The following TSPEAR variants were observed in gnomAD, a reference collection of about 807,000 sequenced individuals.
The protein encoded by TSPEAR is thrombospondin-type laminin G domain and EAR repeat-containing protein.
Under a neutral mutation model 71.6 loss-of-function variants are expected in TSPEAR, and 69 were observed. The ratio of observed to expected loss-of-function variants is 0.96; its 90% CI spans 0.79 to 1.18. The LOEUF (loss-of-function observed/expected upper bound fraction) is 1.18. TSPEAR is among the 50% of genes most tolerant of loss of function. TSPEAR has a pLI of 0.00. For synonymous variants in TSPEAR, 402 were observed against 387.2 expected (o/e 1.04, Z -0.45); for missense variants, 971 against 894.9 (o/e 1.09, Z -1.09).
chr21:44,534,795 C>G (rs2053059281), intron 2 of TSPEAR, among the ~76,000 whole-genome samples: 2 of 152,140 alleles, frequency 1.3e-5, no homozygotes, highest in African/African-American at 4.8e-5. Flanking sequence ...GGTCCATTCT[C>G]AAAAGAATCG....
rs148815756 is a variant in TSPEAR at position 44,628,641 on chromosome 21, C to T, written c.83-60636G>A. On this transcript the variant is annotated intron_variant, in intron 1 of 11. Transcript: ENST00000323084. ...CCACGTGACTCAGGCTAATGCCCCA[C>T]TCACTGTGGGTAGAAGCAGCTCCTT... Among the ~76,000 whole-genome samples the T allele has an allele frequency of 5.7e-3, 862 of 151,964 alleles. 11 individuals are homozygous for T. The highest frequency in any genetic ancestry group is 0.041 in the Middle Eastern group (12 of 294).
At chr21:44,599,190 C>T (rs1980605021) in intron 1 of TSPEAR, among the ~76,000 whole-genome samples, 1 of 140,694 alleles carries the variant, frequency 7.1e-6, no homozygotes, top group African/African-American at 2.7e-5. Context: ...CCCATAGGAC[C>T]AGATCCTGTA....
intron 1 of TSPEAR, among the ~76,000 whole-genome samples, chr21:44,685,021 C>A (rs1555948722): frequency 6.6e-6 from 1 of 152,150 alleles, no homozygotes; most frequent in African/African-American, 2.4e-5. Context: ...TAAGGTCACT[C>A]TCACATGGCC....
In TSPEAR at chr21:44,662,990, A is replaced by G. The variant is rs138251306; in HGVS notation, c.82+48443T>C. On this transcript the variant is annotated intron_variant, in intron 1 of 11. Transcript: ENST00000323084. ...GTGTTTAGAGGGATAAAATTATATC[A>G]TTAAGTGCTTATATTCACAAAGAAG... 3.7e-3 allele frequency among the ~76,000 whole-genome samples: 558 copies of G among 152,312 alleles called. 10 individuals carry two copies. The highest frequency in any genetic ancestry group is 0.013 in the African/African-American group (531 of 41,572).
At chr21:44,521,673 G>A (rs112559156) in intron 9 of TSPEAR, among the ~76,000 whole-genome samples, 12 of 152,260 alleles carry the variant, frequency 7.9e-5, no homozygotes, top group African/African-American at 2.9e-4. Flanking sequence ...GGCGCACAGA[G>A]GCTCTCAGGC....
In TSPEAR at chr21:44,567,830, T is replaced by C; in HGVS notation, c.258A>G (p.Glu86=). 3.1e-6 allele frequency: 5 copies of C among 1,601,672 alleles called. No individual in the cohort carries two copies. Among genetic ancestry groups the C allele is most frequent in the Non-Finnish European group, 4.3e-6 (5 of 1,172,888 alleles). ...CTCTCAAAGTTACGACGATGGAAAA[T>C]TCTTCAGGGAAGAGGTCACACTGGG... The part of the protein sequence containing the change: ...IFSQCDLFPE[E]FSIVVTLRVP... The change falls in exon 2 of 12, where the codon GAA becomes GAG. Residue 86 remains glutamate, a synonymous_variant. Coordinates refer to ENST00000323084, the MANE Select transcript of TSPEAR (RefSeq NM_144991.3).
intron 1 of TSPEAR, among the ~76,000 whole-genome samples, chr21:44,678,657 G>A (rs376678044): frequency 1.6e-4 from 24 of 152,250 alleles, no homozygotes; most frequent in South Asian, 2.1e-4. Context: ...AATAAAAGCT[G>A]TCCCAATTGG....
At chr21:44,523,307 TTGTCA>T (rs2052774486) in intron 8 of TSPEAR, among the ~76,000 whole-genome samples, 1 of 150,054 alleles carries the variant, frequency 6.7e-6, no homozygotes, top group African/African-American at 2.5e-5. Context: ...GTCAGTCAGT[TTGTCA>T]GTCAGTCAGG....
chr21:44,629,326 G>A (rs1485874049), intron 1 of TSPEAR, among the ~76,000 whole-genome samples: 1 of 152,164 alleles, frequency 6.6e-6, no homozygotes, highest in African/African-American at 2.4e-5. Flanking sequence ...GTCCCTCACA[G>A]TCCTGGGGCT....
In TSPEAR at chr21:44,698,998, C is replaced by T. The variant is rs192861104; in HGVS notation, c.82+12435G>A. ...GGAAGATCACTTGAGCCCAGGAATT[C>T]GAGACCAGCCTGGCCAACATAGTGA... On this transcript the variant is annotated intron_variant, in intron 1 of 11. Transcript: ENST00000323084. Among the ~76,000 whole-genome samples the T allele has an allele frequency of 7.2e-5, 11 of 152,214 alleles. No individual in the cohort carries two copies. The East Asian group carries it at 1.7e-3, about 24-fold the overall frequency.
At chr21:44,558,581 C>A in intron 2 of TSPEAR, 1 of 1,611,430 alleles carries the variant, frequency 6.2e-7, no homozygotes, top group East Asian at 2.2e-5. Context: ...GGGTGCAGAC[C>A]AGGGTCAGGC....
intron 1 of TSPEAR, among the ~76,000 whole-genome samples, chr21:44,693,088 G>A (rs1555949976): frequency 6.6e-6 from 1 of 152,102 alleles, no homozygotes; most frequent in South Asian, 2.1e-4. Flanking sequence ...CAACAAGAGT[G>A]TCAAGATAAT....
At chr21:44,655,834 G>A (rs1235838661) in intron 1 of TSPEAR, among the ~76,000 whole-genome samples, 6 of 152,342 alleles carry the variant, frequency 3.9e-5, no homozygotes, top group Middle Eastern at 6.8e-3. Context: ...ATCCCAGGCA[G>A]CTCCCAGGGG....
chr21:44,542,493 A>G (rs2053236930), intron 2 of TSPEAR, among the ~76,000 whole-genome samples: 1 of 152,200 alleles, frequency 6.6e-6, no homozygotes, highest in Non-Finnish European at 1.5e-5. Context: ...CACACCTGTA[A>G]TACCAGCACT....
At chr21:44,558,115 G>A (rs1430487905) in intron 2 of TSPEAR, 4 of 1,612,268 alleles carry the variant, frequency 2.5e-6, no homozygotes, top group Non-Finnish European at 3.4e-6. Context: ...GAGCACGTGG[G>A]GCGGCAGAGG....
chr21:44,549,844 G>A (rs367811404), intron 2 of TSPEAR, among the ~76,000 whole-genome samples: 241 of 152,328 alleles, frequency 1.6e-3, no homozygotes, highest in African/African-American at 5.3e-3. Flanking sequence ...TCTGGAGGCC[G>A]CGTCTCTGTT....
At chr21:44,690,577 A>T in intron 1 of TSPEAR, 6 of 985,496 alleles carry the variant, frequency 6.1e-6, no homozygotes, top group Non-Finnish European at 7.2e-6. Context: ...GGAGGTCAGC[A>T]TTCAGCCCAC....
At chr21:44,677,131 T>A in intron 1 of TSPEAR, 1 of 714,826 alleles carries the variant, frequency 1.4e-6, no homozygotes, top group Non-Finnish European at 2.6e-6. Flanking sequence ...ATTATCCAGA[T>A]CAACTATCAT....
At chr21:44,545,882 T>C (rs1241276878) in intron 2 of TSPEAR, among the ~76,000 whole-genome samples, 1 of 152,128 alleles carries the variant, frequency 6.6e-6, no homozygotes, top group African/African-American at 2.4e-5. Context: ...AATCCAAATT[T>C]AGCAGAAGGT....
Sources: allele counts gnomAD v4.1 joint callset (sites outside exome capture counted in the v4.1 genomes callset), GRCh38; gene constraint gnomAD v4.1.1; transcripts MANE v1.5; gene names NCBI Gene and HGNC (gene_info 2026-07-23, HGNC 2026-07-21).